IMMP2L: variants seen among roughly 807,000 people sequenced by gnomAD.
The protein encoded by IMMP2L is mitochondrial inner membrane protease subunit 2.
Under a neutral mutation model 19.3 loss-of-function variants are expected in IMMP2L, and 18 were observed. The ratio of observed to expected loss-of-function variants is 0.93; its 90% CI spans 0.64 to 1.38. The LOEUF (loss-of-function observed/expected upper bound fraction) is 1.38. Ranked by LOEUF, IMMP2L falls within the 40% of genes most tolerant of loss-of-function variation. IMMP2L has a pLI of 0.00. For synonymous variants in IMMP2L, 76 were observed against 73.0 expected (o/e 1.04, Z -0.21); for missense variants, 233 against 218.2 (o/e 1.07, Z -0.43).
chr7:111,544,781 T>C (rs1848773082), intron 1 of IMMP2L, among the ~76,000 whole-genome samples: 2 of 150,622 alleles, frequency 1.3e-5, no homozygotes, highest in Admixed American at 6.6e-5. Flanking sequence ...AAAAATAATG[T>C]ATATTGGCTT....
chr7:111,475,811 A>G (rs1563239695), intron 3 of IMMP2L, among the ~76,000 whole-genome samples: 1 of 152,134 alleles, frequency 6.6e-6, no homozygotes, highest in Non-Finnish European at 1.5e-5. Flanking sequence ...GCAATTTTCA[A>G]TAATTGCAAC....
intron 5 of IMMP2L, among the ~76,000 whole-genome samples, chr7:110,824,246 A>C (rs982949534): frequency 9.9e-5 from 15 of 152,052 alleles, no homozygotes; most frequent in Non-Finnish European, 1.9e-4. Flanking sequence ...GTCTCCTTTC[A>C]CCCTTCTTTA....
At chr7:111,501,196 T>C (rs1844209966) in intron 2 of IMMP2L, among the ~76,000 whole-genome samples, 1 of 152,098 alleles carries the variant, frequency 6.6e-6, no homozygotes, top group African/African-American at 2.4e-5. Flanking sequence ...CAGGAGCCGA[T>C]GCGATCAACT....
Position 110,865,848 on chromosome 7 carries a change from A to ATT in IMMP2L, c.408+20743_408+20744dup, listed in dbSNP as rs57942504. ...AACCCTACCTTTATTCTCCAAACTA[A>ATT]TTTTTTTTTTTTGAGGAGAACATGG... On this transcript the variant is annotated intron_variant, in intron 5 of 5. Transcript: ENST00000405709. Among the ~76,000 whole-genome samples the ATT allele has an allele frequency of 4.3e-3, 626 of 147,236 alleles. 2 individuals are homozygous for ATT. The highest frequency in any genetic ancestry group is 0.014 in the African/African-American group (574 of 40,428).
chr7:110,762,442 G>A (rs1798406103), intron 5 of IMMP2L, among the ~76,000 whole-genome samples: 1 of 152,082 alleles, frequency 6.6e-6, no homozygotes, highest in Non-Finnish European at 1.5e-5. Flanking sequence ...GGCACGTTCT[G>A]TGTATAACGA....
chr7:111,030,850 A>G (rs1311488360), intron 3 of IMMP2L, among the ~76,000 whole-genome samples: 1 of 148,280 alleles, frequency 6.7e-6, no homozygotes, highest in Non-Finnish European at 1.5e-5. Flanking sequence ...GTATGTGTGT[A>G]TATACATATG....
At chr7:111,389,431 T>C (rs1281395651) in intron 3 of IMMP2L, among the ~76,000 whole-genome samples, 2 of 151,996 alleles carry the variant, frequency 1.3e-5, no homozygotes, top group Non-Finnish European at 2.9e-5. Context: ...CCTATTTTGG[T>C]GGTTATACTG....
chr7:111,240,649 T>C (rs1050748343), intron 3 of IMMP2L, among the ~76,000 whole-genome samples: 1 of 151,906 alleles, frequency 6.6e-6, no homozygotes, highest in African/African-American at 2.4e-5. Context: ...TTAGGGACAG[T>C]CCCATTTTCT....
intron 3 of IMMP2L, among the ~76,000 whole-genome samples, chr7:111,242,285 T>G (rs1179407107): frequency 2.0e-5 from 3 of 152,040 alleles, no homozygotes; most frequent in South Asian, 4.2e-4. Context: ...AAAGCAGAAG[T>G]ATATCAGCTA....
chr7:110,755,000 T>C (rs1376528872), intron 5 of IMMP2L, among the ~76,000 whole-genome samples: 6 of 152,002 alleles, frequency 3.9e-5, no homozygotes, highest in Non-Finnish European at 8.8e-5. Flanking sequence ...AATTAGTACA[T>C]GCTTGAACTG....
rs576226110 is a variant in IMMP2L, at chr7:111,432,378, G to T, written c.239+54860C>A. Among the ~76,000 whole-genome samples, 24 of 151,814 alleles carry T rather than the reference G, an allele frequency of 1.6e-4. 2 individuals are homozygous for T. The highest frequency in any genetic ancestry group is 5.6e-4 in the African/African-American group (23 of 41,212). On this transcript the variant is annotated intron_variant, in intron 3 of 5. Coordinates refer to ENST00000405709, the MANE Select transcript of IMMP2L (RefSeq NM_032549.4). ...TTAGCTGGAACACCATGATCAGGTGGGATTTATCCTAGGGAAGCAAGGATG... is the reference window on the plus strand; with the variant it reads ...TTAGCTGGAACACCATGATCAGGTGTGATTTATCCTAGGGAAGCAAGGATG...
intron 3 of IMMP2L, among the ~76,000 whole-genome samples, chr7:110,977,415 T>C (rs967167028): frequency 6.6e-6 from 1 of 152,118 alleles, no homozygotes; most frequent in African/African-American, 2.4e-5. Flanking sequence ...GCCGAGCATC[T>C]GCTTTAGATA....
At chr7:110,850,882 A>G (rs1188762255) in intron 5 of IMMP2L, among the ~76,000 whole-genome samples, 1 of 151,954 alleles carries the variant, frequency 6.6e-6, no homozygotes, top group Non-Finnish European at 1.5e-5. Context: ...GCAAGTCAGA[A>G]TATCAATAAG....
At chr7:110,705,062 C>A (rs924760387) in intron 5 of IMMP2L, among the ~76,000 whole-genome samples, 5 of 151,828 alleles carry the variant, frequency 3.3e-5, no homozygotes, top group Admixed American at 1.3e-4. Context: ...CAGAAATAAT[C>A]ATAGAAAATT....
At chr7:111,053,716 A>G (rs1309907041) in intron 3 of IMMP2L, among the ~76,000 whole-genome samples, 2 of 152,186 alleles carry the variant, frequency 1.3e-5, no homozygotes, top group Non-Finnish European at 2.9e-5. Context: ...ATTATAGTAG[A>G]GCAAGAAATC....
intron 3 of IMMP2L, among the ~76,000 whole-genome samples, chr7:111,134,022 T>C (rs929338534): frequency 2.6e-5 from 4 of 152,120 alleles, no homozygotes; most frequent in Admixed American, 6.6e-5. Context: ...AGAGCCTAAG[T>C]ATTCTGGGTA....
intron 3 of IMMP2L, among the ~76,000 whole-genome samples, chr7:111,110,057 C>T (rs1251956793): frequency 1.3e-5 from 2 of 152,280 alleles, no homozygotes; most frequent in African/African-American, 4.8e-5. Context: ...ATCGCTTGAA[C>T]CCAGGAGGTG....
intron 3 of IMMP2L, among the ~76,000 whole-genome samples, chr7:111,433,231 C>CTA (rs953740058): frequency 1.3e-5 from 2 of 151,764 alleles, no homozygotes; most frequent in African/African-American, 4.9e-5. Context: ...AACTCACTCA[C>CTA]TATCACGAGA....
chr7:110,976,618 A>G (rs2129557364), intron 3 of IMMP2L, among the ~76,000 whole-genome samples: 1 of 152,188 alleles, frequency 6.6e-6, no homozygotes, highest in African/African-American at 2.4e-5. Flanking sequence ...TAGTCCTCAG[A>G]TCTTAGTTTA....
Sources: allele counts gnomAD v4.1 joint callset (sites outside exome capture counted in the v4.1 genomes callset), GRCh38; gene constraint gnomAD v4.1.1; transcripts MANE v1.5; gene names NCBI Gene and HGNC (gene_info 2026-07-23, HGNC 2026-07-21).